Variants in SAFB observed in about 807,000 individuals in gnomAD.
SAFB encodes scaffold attachment factor B, also known as scaffold attachment factor B1.
In SAFB, 15 loss-of-function variants were observed where a neutral mutation model predicts 101.6. That is an observed-to-expected ratio of 0.15 (90% CI 0.10 to 0.23). The LOEUF (loss-of-function observed/expected upper bound fraction) is 0.23, where lower values mean the gene tolerates loss of function less well. Among genes scored for constraint, SAFB ranks in the 10% least tolerant of loss-of-function variants. The probability of loss-of-function intolerance (pLI) is 1.00; values close to 1 mark genes in which losing one functional copy is unlikely to be tolerated. For synonymous variants in SAFB, 449 were observed against 407.5 expected (o/e 1.10, Z -1.23); for missense variants, 930 against 1,104.1 (o/e 0.84, Z 2.23).
chr19:5,636,527 T>C (rs1253812180), intron 2 of SAFB, among the ~76,000 whole-genome samples: 4 of 152,050 alleles, frequency 2.6e-5, no homozygotes, highest in Admixed American at 1.3e-4. Context: ...AGTTTGATAG[T>C]CCCCTATCTT....
At chr19:5,645,433 G>A (rs2436502) in intron 5 of SAFB, 34 bp downstream of exon 5, 68,538 of 1,012,362 alleles carry the variant, frequency 0.068, 2,712 homozygotes, top group South Asian at 0.11. Flanking sequence ...CTTTTAGAAT[G>A]AAAGGTCAGA....
chr19:5,624,151 C>G (rs1050793218), intron 1 of SAFB: 3 of 151,808 alleles, frequency 2.0e-5, no homozygotes, highest in Admixed American at 6.5e-5. Context: ...GACTTGGGGA[C>G]CCTGCCAGCT....
At position 5,623,374 on chromosome 19, in the gene SAFB, T is replaced by C. The variant is rs1412142768; in HGVS notation, c.169T>C (p.Leu57=). ...GGACTCGAGCGGCAACAAGAGCGTT[T>C]TGATGGAGCGGCTGAAGAAGGTGGA... The part of the protein sequence containing the change: ...NVDSSGNKSV[L]MERLKKAIED... Residue 57 remains leucine (L), a synonymous_variant, in exon 1 of 21, where the codon TTG becomes CTG. Transcript: ENST00000588852. 3 of 1,613,322 alleles carry C rather than the reference T, an allele frequency of 1.9e-6. No homozygotes were observed. The highest frequency in any genetic ancestry group is 2.5e-6 in the Non-Finnish European group (3 of 1,179,412).
intron 5 of SAFB, 66 bp from the exon 6 acceptor site, chr19:5,647,949 GT>G: frequency 7.2e-7 from 1 of 1,382,570 alleles, no homozygotes; most frequent in South Asian, 1.2e-5. Flanking sequence ...GTTATTCTGG[GT>G]TTTCATTTAA....
intron 2 of SAFB, 23 bp downstream of exon 2, chr19:5,626,512 G>A: frequency 7.2e-7 from 1 of 1,390,212 alleles, no homozygotes; most frequent in Non-Finnish European, 1.0e-6. Context: ...TCATAAGCAA[G>A]TTTCATGTTA....
At chr19:5,666,445 T>A (rs2054329246) in intron 17 of SAFB, 1 of 153,998 alleles carries the variant, frequency 6.5e-6, no homozygotes, top group Non-Finnish European at 1.4e-5. Flanking sequence ...TATCTCTCAG[T>A]GTCCTGTGTC....
intron 13 of SAFB, among the ~76,000 whole-genome samples, chr19:5,654,920 T>C (rs1252915136): frequency 1.3e-5 from 2 of 152,254 alleles, no homozygotes; most frequent in Non-Finnish European, 1.5e-5. Flanking sequence ...ACTTTTGCTC[T>C]GATAACTGTT....
intron 13 of SAFB, among the ~76,000 whole-genome samples, chr19:5,655,747 T>C (rs1024531179): frequency 2.6e-5 from 4 of 152,152 alleles, no homozygotes; most frequent in Middle Eastern, 3.2e-3. Context: ...TGTCATAGCC[T>C]TTTACCCTTG....
chr19:5,641,532 C>A, intron 2 of SAFB, 62 bp from the exon 3 acceptor site: 1 of 1,337,980 alleles, frequency 7.5e-7, no homozygotes, highest in Non-Finnish European at 1.1e-6. Flanking sequence ...GTGCTCAGGG[C>A]ATTGTTGCTT....
chr19:5,640,756 G>T (rs369273910), intron 2 of SAFB, among the ~76,000 whole-genome samples: 2 of 151,720 alleles, frequency 1.3e-5, no homozygotes, highest in South Asian at 4.2e-4. Flanking sequence ...CAACCAGCTA[G>T]TTTTTTGTAT....
At chr19:5,661,110 C>G (rs1175103985) in intron 14 of SAFB, among the ~76,000 whole-genome samples, 2 of 151,730 alleles carry the variant, frequency 1.3e-5, no homozygotes, top group Non-Finnish European at 2.9e-5. Flanking sequence ...TTAGTAGAGA[C>G]AAGAGTTTCA....
In SAFB at chr19:5,667,669, G is replaced by T. The variant is rs747770255; in HGVS notation, c.2558-151G>T. 46 of 760,882 alleles carry T rather than the reference G, an allele frequency of 6.0e-5. No individual in the cohort carries two copies. Among genetic ancestry groups the T allele is most frequent in the Non-Finnish European group, 9.2e-5 (42 of 454,420 alleles). The allele number at this position is 760,882 out of a possible 1,614,324, so 47.1% of individuals were successfully genotyped here. A position where few individuals can be genotyped will look rare whatever the true frequency, so the allele number is the denominator to read the frequency against. On this transcript the variant is annotated intron_variant, in intron 19 of 20. Transcript: ENST00000588852. The surrounding 1 kb of genome is among the most constrained non-coding windows in gnomAD (Gnocchi z 4.0). ...TCTCTCTGCTGGGAGGAAGCTGGAC[G>T]TCTATGGTCCCTGTGCCCAGGTGTC... is the stretch of plus-strand genomic sequence containing the variant.
intron 9 of SAFB, 100 bp downstream of exon 9, chr19:5,651,172 C>A: frequency 5.7e-6 from 4 of 707,134 alleles, no homozygotes; most frequent in Non-Finnish European, 9.6e-6. Flanking sequence ...TGAGAGATAC[C>A]AAGGAGCTTA....
At chr19:5,659,437 A>G (rs2054143783) in intron 14 of SAFB, among the ~76,000 whole-genome samples, 1 of 151,222 alleles carries the variant, frequency 6.6e-6, no homozygotes, top group Admixed American at 6.6e-5. Flanking sequence ...GCTGGAGTAC[A>G]GTGGCACGAT....
chr19:5,632,030 CA>C (rs2053501071), intron 2 of SAFB, among the ~76,000 whole-genome samples: 1 of 152,108 alleles, frequency 6.6e-6, no homozygotes, highest in Non-Finnish European at 1.5e-5. Flanking sequence ...AACCTGGTAA[CA>C]GGGCAAGACT....
chr19:5,656,715 T>G (rs903340290), intron 13 of SAFB, among the ~76,000 whole-genome samples: 1 of 151,914 alleles, frequency 6.6e-6, no homozygotes, highest in Non-Finnish European at 1.5e-5. Context: ...TAACTGAGAT[T>G]ACAAGCATGC....
At chr19:5,654,598 T>C (rs2054012615) in intron 13 of SAFB, 142 bp downstream of exon 13, 1 of 662,332 alleles carries the variant, frequency 1.5e-6, no homozygotes, top group South Asian at 1.7e-5. Flanking sequence ...AAACTATTTT[T>C]TTTGAGACAG....
At chr19:5,668,052 C>A in intron 20 of SAFB, 110 bp from the exon 21 acceptor site, 2 of 1,487,052 alleles carry the variant, frequency 1.3e-6, no homozygotes, top group Non-Finnish European at 1.8e-6. Flanking sequence ...GAGGGGAGGG[C>A]ATTAGGAAGG....
intron 13 of SAFB, among the ~76,000 whole-genome samples, chr19:5,655,091 C>T (rs1301521407): frequency 6.6e-6 from 1 of 152,170 alleles, no homozygotes; most frequent in Non-Finnish European, 1.5e-5. Flanking sequence ...CCATGGTGAC[C>T]TGGCCCATCT....
Sources: allele counts gnomAD v4.1 joint callset (sites outside exome capture counted in the v4.1 genomes callset), GRCh38; gene constraint gnomAD v4.1.1; non-coding constraint Gnocchi (gnomAD v3.1); transcripts MANE v1.5; gene names NCBI Gene and HGNC (gene_info 2026-07-23, HGNC 2026-07-21).